RP1L1: variants seen among roughly 807,000 people sequenced by gnomAD.
RP1L1 encodes RP1 like 1.
RP1L1 carries 27 observed loss-of-function variants against 15.7 expected under a neutral mutation model. The observed-to-expected ratio is 1.72, with a 90% CI of 1.27 to 2.38. RP1L1 has a LOEUF of 2.38. Ranked by LOEUF, RP1L1 falls within the 30% of genes most tolerant of loss-of-function variation. The probability of loss-of-function intolerance (pLI) is 0.00; values close to 1 mark genes in which losing one functional copy is unlikely to be tolerated. For synonymous variants in RP1L1, 1,813 were observed against 1,276.7 expected, an observed-to-expected ratio of 1.42 and a Z score of -8.96; for missense variants, 4,798 against 3,075.9, an observed-to-expected ratio of 1.56 and a Z score of -13.24.
Position 10,609,443 on chromosome 8 carries a change from A to C in RP1L1, c.4655T>G (p.Leu1552Arg). ...RARWGLQDND[L>R]LDQMAAELQQ... ...CAGCTCGGCCGCCATCTGGTCCAGC[A>C]GATCATTGTCCTGCAGGCCCCAGCG... Residue 1552 changes from leucine (L) to arginine (R), a missense_variant, in exon 4 of 4, where the codon CTG becomes CGG. By Grantham distance (102) the Leu-to-Arg change is moderately radical. Transcript: ENST00000382483. The C allele has an allele frequency of 6.2e-7, 1 of 1,612,494 alleles. No individual in the cohort carries two copies. The highest frequency in any genetic ancestry group is 1.1e-5 in the South Asian group (1 of 91,078).
chr8:10,653,039 G>A (rs528280626), intron 1 of RP1L1, among the ~76,000 whole-genome samples: 2 of 152,300 alleles, frequency 1.3e-5, no homozygotes, highest in African/African-American at 2.4e-5. Context: ...CTGTCCCTGT[G>A]TGGCTGGGTT....
Position 10,607,660 on chromosome 8 carries a change from T to A in RP1L1, c.6438A>T (p.Glu2146Asp). The change falls in exon 4 of 4, where the codon GAA (glutamate) becomes GAT (aspartate). Residue 2146 changes from glutamate (E) to aspartate (D), a missense_variant. Physicochemically the swap from Glu to Asp is conservative, Grantham distance 45. Coordinates refer to ENST00000382483, the MANE Select transcript of RP1L1 (RefSeq NM_178857.6). ...CTTCTGCATCCTGGGCCTCTACACC[T>A]TCTGACTCAGGCTGGGCCTCCCCTT... ...EAEGEAQPES[E>D]GVEAQDAEGE... 1 of 1,587,076 alleles carries A rather than the reference T, an allele frequency of 6.3e-7. No individual in the cohort carries two copies. Among genetic ancestry groups the A allele is most frequent in the Non-Finnish European group, 8.6e-7 (1 of 1,164,672 alleles).
At chr8:10,614,298 T>C (rs1323036942) in intron 3 of RP1L1, among the ~76,000 whole-genome samples, 8 of 152,154 alleles carry the variant, frequency 5.3e-5, no homozygotes, top group Admixed American at 4.6e-4. Flanking sequence ...CAGGTCCTGC[T>C]AGTCAAGCCT....
Position 10,609,144 on chromosome 8 carries a change from C to T in RP1L1, c.4954G>A (p.Glu1652Lys). ...ALGSQLGEEA[E>K]GEEFCPCEAC... Reference sequence around the variant, plus strand: ...TCGCAGGGACAGAACTCCTCCCCCTCCGCCTCCTCGCCCAGCTGGCTCCCC... The same window carrying T: ...TCGCAGGGACAGAACTCCTCCCCCTTCGCCTCCTCGCCCAGCTGGCTCCCC... The change falls in exon 4 of 4, where the codon GAG becomes AAG. Residue 1652 changes from glutamate to lysine, a missense_variant. Physicochemically the swap from Glu to Lys is moderately conservative, Grantham distance 56. Coordinates refer to ENST00000382483, the MANE Select transcript of RP1L1 (RefSeq NM_178857.6). The T allele has an allele frequency of 3.1e-6, 5 of 1,613,680 alleles. No individual in the cohort carries two copies. Among genetic ancestry groups the T allele is most frequent in the Non-Finnish European group, 4.2e-6 (5 of 1,179,970 alleles).
intron 3 of RP1L1, among the ~76,000 whole-genome samples, chr8:10,613,764 T>G (rs1313860553): frequency 6.6e-6 from 1 of 151,648 alleles, no homozygotes; most frequent in Admixed American, 6.6e-5. Flanking sequence ...CGCTCCAGCC[T>G]GGATGACAGA....
Position 10,622,703 on chromosome 8 carries a change from T to A in RP1L1, c.499A>T (p.Thr167Ser), listed in dbSNP as rs762735738. The A allele has an allele frequency of 7.4e-6, 12 of 1,614,188 alleles. No homozygotes were observed. Among genetic ancestry groups the A allele is most frequent in the Non-Finnish European group, 1.0e-5 (12 of 1,180,020 alleles). Reference sequence around the variant, plus strand: ...GTATTCCTGTGACTGAGAACCACTGTCTGCTGGAGGCGAGGGTCCATGTTC... The same window carrying A: ...GTATTCCTGTGACTGAGAACCACTGACTGCTGGAGGCGAGGGTCCATGTTC... ...IKNMDPRLQQTVVLSHRNTRN... is the reference protein window; with the variant it reads ...IKNMDPRLQQSVVLSHRNTRN... Residue 167 changes from threonine (T) to serine (S), a missense_variant, in exon 2 of 4, where the codon ACA (threonine) becomes TCA (serine). By Grantham distance (58) the Thr-to-Ser change is moderately conservative. Coordinates refer to ENST00000382483, the MANE Select transcript of RP1L1 (RefSeq NM_178857.6).
rs1797722165 is a variant in RP1L1, at chr8:10,607,361, T to C, written c.6737A>G (p.Gln2246Arg). The C allele has an allele frequency of 1.2e-6, 2 of 1,613,782 alleles. No individual in the cohort carries two copies. Among genetic ancestry groups the C allele is most frequent in the Non-Finnish European group, 1.7e-6 (2 of 1,179,674 alleles). The change falls in exon 4 of 4, where the codon CAA becomes CGA. Residue 2246 changes from glutamine to arginine, a missense_variant. Transcript: ENST00000382483. ...EAQPESEGETQGEKKGSPQVS... is the reference protein window; with the variant it reads ...EAQPESEGETRGEKKGSPQVS... ...CTGAGGGCTCCCCTTTTTCTCACCT[T>C]GAGTTTCTCCTTCTGACTCTGGCTG...
chr8:10,623,053 CG>C lies in RP1L1; in HGVS notation c.148del (p.Arg50AlafsTer107). ...AAAGGCGCGCTGGTGAACGGCCAGG[CG>C]GACCCCAGCAAACCGTGGATCCCCT... ...KRGDPRFAGV[R>X]LAVHQRAFKT... On this transcript the variant is annotated frameshift_variant, in exon 2 of 4. Coordinates refer to ENST00000382483, the MANE Select transcript of RP1L1 (RefSeq NM_178857.6). LOFTEE classifies it high-confidence loss of function. The C allele has an allele frequency of 6.2e-7, 1 of 1,614,100 alleles. No individual in the cohort carries two copies. Among genetic ancestry groups the C allele is most frequent in the East Asian group, 2.2e-5 (1 of 44,878 alleles).
At chr8:10,625,509 T>A in intron 1 of RP1L1, among the ~76,000 whole-genome samples, 2 of 11,366 alleles carry the variant, frequency 1.8e-4, no homozygotes, top group African/African-American at 7.3e-4. Flanking sequence ...GCCCATGGGG[T>A]GGGGGTGGGG....
At chr8:10,630,401 G>C (rs1000161761) in intron 1 of RP1L1, among the ~76,000 whole-genome samples, 3 of 152,256 alleles carry the variant, frequency 2.0e-5, no homozygotes. Context: ...CACACGCAGA[G>C]AGCTGGGAGG....
chr8:10,648,794 C>T (rs977468719), intron 1 of RP1L1, among the ~76,000 whole-genome samples: 1 of 152,348 alleles, frequency 6.6e-6, no homozygotes, highest in Middle Eastern at 3.4e-3. Flanking sequence ...GATTGACAGA[C>T]ACCACACACC....
At chr8:10,652,728 C>A (rs748477415) in intron 1 of RP1L1, among the ~76,000 whole-genome samples, 7 of 152,104 alleles carry the variant, frequency 4.6e-5, no homozygotes, top group Non-Finnish European at 8.8e-5. Flanking sequence ...CATCTGCAGC[C>A]TGAGGCTGGC....
intron 1 of RP1L1, among the ~76,000 whole-genome samples, chr8:10,640,216 G>C (rs998333754): frequency 3.3e-5 from 5 of 152,216 alleles, no homozygotes; most frequent in Non-Finnish European, 7.3e-5. Context: ...TCTTAGCAAT[G>C]ATGCTCTTCT....
rs554487597 is a variant in RP1L1, at chr8:10,647,161, T to C, written c.-20+7737A>G. 2.0e-5 allele frequency among the ~76,000 whole-genome samples: 3 copies of C among 152,274 alleles called. No individual in the cohort carries two copies. In the East Asian group the frequency reaches 5.8e-4, roughly 30 times the overall value. On this transcript the variant is annotated intron_variant, in intron 1 of 3. Coordinates refer to ENST00000382483, the MANE Select transcript of RP1L1 (RefSeq NM_178857.6). ...TGAGGCGCCACGGCAGCCCAGCTTC[T>C]AGCCCGTCCAGCCTGCTCCAGGGCC...
At position 10,607,614 on chromosome 8, in the gene RP1L1, C is replaced by T. The variant is rs775354331; in HGVS notation, c.6484G>A (p.Glu2162Lys). The change falls in exon 4 of 4, where the codon GAA becomes AAA. Residue 2162 changes from glutamate (E) to lysine (K), a missense_variant. By Grantham distance (56) the Glu-to-Lys change is moderately conservative. Transcript: ENST00000382483. ...DAEGEAQPES[E>K]GIEAQEAEEE... The stretch of plus-strand genomic sequence containing the variant: ...TCAGCCTCCTGGGCCTCTATACCTT[C>T]TGACTCTGGCTGGGCCTCCCCTTCT... 1 of 1,590,384 alleles carries T rather than the reference C, an allele frequency of 6.3e-7. No individual in the cohort carries two copies. Among genetic ancestry groups the T allele is most frequent in the African/African-American group, 1.4e-5 (1 of 73,426 alleles).
rs1191410101 is a variant in RP1L1, at chr8:10,622,942, A to G, written c.260T>C (p.Leu87Pro). 1.2e-5 allele frequency: 20 copies of G among 1,613,950 alleles called. No homozygotes were observed. The East Asian group carries it at 4.0e-4, about 32-fold the overall frequency. Residue 87 changes from leucine to proline, a missense_variant, in exon 2 of 4, where the codon CTG becomes CCG. By Grantham distance (98) the Leu-to-Pro change is moderately conservative (BLOSUM62 -3). Transcript: ENST00000382483. The stretch of plus-strand genomic sequence containing the variant: ...CTGCTCCAGGGCGCTGAGGCTATGC[A>G]GGCCCCGGGGTGTGGTGACAGAGCG... ...GVRSVTTPRG[L>P]HSLSALEQLE...
At chr8:10,641,397 G>T (rs1798404778) in intron 1 of RP1L1, among the ~76,000 whole-genome samples, 1 of 152,192 alleles carries the variant, frequency 6.6e-6, no homozygotes, top group African/African-American at 2.4e-5. Context: ...AAATAAATGT[G>T]TTGGACTAAG....
Position 10,612,340 on chromosome 8 carries a change from A to C in RP1L1, c.1758T>G (p.Ser586Arg), listed in dbSNP as rs774970126. The C allele has an allele frequency of 1.7e-5, 28 of 1,613,010 alleles. No individual in the cohort carries two copies. The South Asian group carries it at 3.1e-4, about 18-fold the overall frequency. ...SPALSLSSLRSDDLQAETQGQ... is the reference protein window; with the variant it reads ...SPALSLSSLRRDDLQAETQGQ... Reference sequence around the variant, plus strand: ...CTTGCGTCTCTGCCTGCAGGTCGTCACTCCTTAAAGATGAAAGACTCAGGG... The same window carrying C: ...CTTGCGTCTCTGCCTGCAGGTCGTCCCTCCTTAAAGATGAAAGACTCAGGG... Residue 586 changes from serine (S) to arginine (R), a missense_variant, in exon 4 of 4, where the codon AGT becomes AGG. Coordinates refer to ENST00000382483, the MANE Select transcript of RP1L1 (RefSeq NM_178857.6).
In RP1L1 at chr8:10,607,369, T is replaced by A. The variant is rs991330347; in HGVS notation, c.6729A>T (p.Gly2243=). The A allele has an allele frequency of 2.2e-5, 36 of 1,614,018 alleles. No homozygotes were observed. Among genetic ancestry groups the A allele is most frequent in the Non-Finnish European group, 3.0e-5 (35 of 1,179,992 alleles). Residue 2243 remains glycine, a synonymous_variant, in exon 4 of 4, where the codon GGA becomes GGT. Coordinates refer to ENST00000382483, the MANE Select transcript of RP1L1 (RefSeq NM_178857.6). ...TCCCCTTTTTCTCACCTTGAGTTTC[T>A]CCTTCTGACTCTGGCTGGGCCTCCC... ...AEGEAQPESE[G]ETQGEKKGSP...
Sources: allele counts gnomAD v4.1 joint callset (sites outside exome capture counted in the v4.1 genomes callset), GRCh38; gene constraint gnomAD v4.1.1; transcripts MANE v1.5; gene names NCBI Gene and HGNC (gene_info 2026-07-23, HGNC 2026-07-21).